OSBPL1A: variants seen among roughly 807,000 people sequenced by gnomAD.
OSBPL1A encodes the protein oxysterol-binding protein-related protein 1.
A neutral mutation model predicts 137.1 loss-of-function variants in OSBPL1A; 80 were observed. That is an observed-to-expected ratio of 0.58 (90% confidence interval 0.49 to 0.70). The LOEUF is 0.70. Ranked by LOEUF, OSBPL1A falls within the 30% of genes least tolerant of loss-of-function variation. The pLI is 0.00. For missense variants in OSBPL1A, 970 were observed against 1,129.4 expected, an observed-to-expected ratio of 0.86 and a Z score of 2.02; for synonymous variants, 365 against 389.7, an observed-to-expected ratio of 0.94 and a Z score of 0.75.
intron 13 of OSBPL1A, among the ~76,000 whole-genome samples, chr18:24,306,681 G>A (rs2090506964): frequency 6.6e-6 from 1 of 152,110 alleles, no homozygotes; most frequent in African/African-American, 2.4e-5. Flanking sequence ...AGAGCAGCAA[G>A]GGAACAACAT....
intron 17 of OSBPL1A, among the ~76,000 whole-genome samples, chr18:24,206,368 A>C (rs2087375480): frequency 6.6e-6 from 1 of 152,220 alleles, no homozygotes; most frequent in African/African-American, 2.4e-5. Context: ...GTTAAGACAT[A>C]ATGAAGCAAC....
intron 24 of OSBPL1A, among the ~76,000 whole-genome samples, chr18:24,168,934 G>C (rs2145906455): frequency 1.3e-5 from 2 of 152,366 alleles, no homozygotes; most frequent in South Asian, 4.1e-4. Flanking sequence ...ACTCTGTGAA[G>C]AGGTTGGAAG....
chr18:24,336,813 A>G (rs889942537), intron 5 of OSBPL1A, among the ~76,000 whole-genome samples: 11 of 152,202 alleles, frequency 7.2e-5, no homozygotes, highest in Non-Finnish European at 1.6e-4. Context: ...AATATATTTC[A>G]TTCATGATAG....
At chr18:24,212,562 G>A (rs550633609) in intron 17 of OSBPL1A, among the ~76,000 whole-genome samples, 6 of 152,216 alleles carry the variant, frequency 3.9e-5, no homozygotes, top group African/African-American at 1.2e-4. Context: ...AAATCTGAGA[G>A]TAAATACTGG....
chr18:24,190,678 T>C (rs960692385), intron 18 of OSBPL1A, among the ~76,000 whole-genome samples: 12 of 152,236 alleles, frequency 7.9e-5, no homozygotes, highest in Non-Finnish European at 1.5e-4. Flanking sequence ...GCTCCTTCTA[T>C]CCTCTGTCGC....
intron 14 of OSBPL1A, among the ~76,000 whole-genome samples, chr18:24,295,632 A>G (rs1471387149): frequency 6.6e-6 from 1 of 152,204 alleles, no homozygotes; most frequent in Non-Finnish European, 1.5e-5. Context: ...TGGCTTGCCA[A>G]TTATCCCAGC....
intron 15 of OSBPL1A, among the ~76,000 whole-genome samples, chr18:24,259,205 C>T (rs2089377271): frequency 6.6e-6 from 1 of 151,978 alleles, no homozygotes. Context: ...CCACGCCTGG[C>T]CTAAAATTAC....
intron 4 of OSBPL1A, among the ~76,000 whole-genome samples, chr18:24,350,920 TG>T (rs985404623): frequency 3.3e-5 from 5 of 151,886 alleles, no homozygotes; most frequent in African/African-American, 9.7e-5. Context: ...GAGGAAGACA[TG>T]GGGCCCAGGA....
chr18:24,313,976 G>A (rs997260437), intron 12 of OSBPL1A, among the ~76,000 whole-genome samples: 7 of 152,046 alleles, frequency 4.6e-5, no homozygotes, highest in Non-Finnish European at 5.9e-5. Context: ...GTATTGGCAC[G>A]TGCCTGTAGT....
At chr18:24,251,432 A>T (rs1239168682) in intron 15 of OSBPL1A, among the ~76,000 whole-genome samples, 1 of 152,194 alleles carries the variant, frequency 6.6e-6, no homozygotes, top group Non-Finnish European at 1.5e-5. Context: ...TTTGTTTGGG[A>T]GAAAATAAGG....
intron 16 of OSBPL1A, among the ~76,000 whole-genome samples, chr18:24,229,369 G>C (rs2088195054): frequency 6.6e-6 from 1 of 152,206 alleles, no homozygotes. Flanking sequence ...GATTTACAGT[G>C]CCTGTGAAAT....
At chr18:24,318,923 C>G in intron 7 of OSBPL1A, 114 bp from the exon 8 acceptor site, 1 of 907,188 alleles carries the variant, frequency 1.1e-6, no homozygotes, top group Non-Finnish European at 1.7e-6. Flanking sequence ...ATATCTTTTT[C>G]TTTCCCCAGA....
chr18:24,201,999 C>A (rs1281074407), intron 17 of OSBPL1A, among the ~76,000 whole-genome samples: 2 of 152,136 alleles, frequency 1.3e-5, no homozygotes, highest in African/African-American at 2.4e-5. Context: ...GGCTGCCAGG[C>A]GTTTCATGCT....
chr18:24,206,100 A>G (rs2087367169), intron 17 of OSBPL1A, among the ~76,000 whole-genome samples: 1 of 152,232 alleles, frequency 6.6e-6, no homozygotes, highest in African/African-American at 2.4e-5. Context: ...CATGTTGGCC[A>G]GGCTGGTCTC....
At chr18:24,226,207 A>G (rs2088072265) in intron 16 of OSBPL1A, among the ~76,000 whole-genome samples, 1 of 152,114 alleles carries the variant, frequency 6.6e-6, no homozygotes, top group Non-Finnish European at 1.5e-5. Flanking sequence ...CACATTCTTC[A>G]TCTCTTTTGA....
chr18:24,281,458 G>A (rs952481311), intron 14 of OSBPL1A, among the ~76,000 whole-genome samples: 1 of 151,620 alleles, frequency 6.6e-6, no homozygotes, highest in Admixed American at 6.6e-5. Flanking sequence ...AGTAATCTCG[G>A]CTTATTGTAA....
At chr18:24,306,912 A>G (rs968438529) in intron 13 of OSBPL1A, among the ~76,000 whole-genome samples, 1 of 152,150 alleles carries the variant, frequency 6.6e-6, no homozygotes, top group Non-Finnish European at 1.5e-5. Context: ...GTGGTGCCGT[A>G]GCACTTATCT....
At chr18:24,351,374 T>C (rs373115936) in intron 4 of OSBPL1A, among the ~76,000 whole-genome samples, 3 of 90,184 alleles carry the variant, frequency 3.3e-5, no homozygotes, top group Non-Finnish European at 6.8e-5. Flanking sequence ...AAAAAAGACA[T>C]AAAAAAATCA....
At chr18:24,240,114 G>T (rs1266281280) in intron 15 of OSBPL1A, among the ~76,000 whole-genome samples, 1 of 151,888 alleles carries the variant, frequency 6.6e-6, no homozygotes, top group East Asian at 1.9e-4. Context: ...AGTAGAGATG[G>T]GGTTTCACCA....
Sources: gnomAD v4.1 joint callset for allele counts (sites outside exome capture counted in the v4.1 genomes callset) on GRCh38, gnomAD v4.1.1 for gene constraint, MANE v1.5 for transcripts, NCBI Gene and HGNC (gene_info 2026-07-23, HGNC 2026-07-21) for gene names.